HLCS: variants seen among roughly 807,000 people sequenced by gnomAD.
HLCS encodes the protein biotin--protein ligase.
HLCS carries 53 observed loss-of-function variants against 75.0 expected under a neutral mutation model. The observed-to-expected ratio is 0.71, with a 90% CI of 0.57 to 0.89. The LOEUF (loss-of-function observed/expected upper bound fraction) is 0.89. HLCS is among the 40% of genes least tolerant of loss of function. The pLI, the probability that HLCS is intolerant of heterozygous loss-of-function variation, is 0.00. For synonymous variants in HLCS, 431 were observed against 428.6 expected, an observed-to-expected ratio of 1.01 and a Z score of -0.07; for missense variants, 966 against 1,074.0, an observed-to-expected ratio of 0.90 and a Z score of 1.41.
chr21:36,775,243 C>G (rs1316797391), intron 6 of HLCS, among the ~76,000 whole-genome samples: 1 of 152,218 alleles, frequency 6.6e-6, no homozygotes, highest in Non-Finnish European at 1.5e-5. Context: ...CACATTGCTG[C>G]TAAATAAATC....
chr21:36,845,296 T>G (rs2062759425), intron 6 of HLCS, among the ~76,000 whole-genome samples: 1 of 152,138 alleles, frequency 6.6e-6, no homozygotes, highest in Non-Finnish European at 1.5e-5. Flanking sequence ...TCCCGAATAC[T>G]GGGCTTCCTT....
At chr21:36,810,539 C>G (rs1328852355) in intron 6 of HLCS, among the ~76,000 whole-genome samples, 1 of 152,170 alleles carries the variant, frequency 6.6e-6, no homozygotes, top group Non-Finnish European at 1.5e-5. Flanking sequence ...CGAGGTTCTC[C>G]CACCATAAAC....
At position 36,754,282 on chromosome 21, in the gene HLCS, G is replaced by A; in HGVS notation, c.2586C>T (p.Asp862=). The A allele has an allele frequency of 6.2e-7, 1 of 1,614,132 alleles. No individual in the cohort carries two copies. The highest frequency in any genetic ancestry group is 8.5e-7 in the Non-Finnish European group (1 of 1,180,028). ...VTVHPDGNSF[D]MLRNLILPKR... ...TGGGGAGGATGAGGTTTCTCAGCAT[G>A]TCGAAGGAGTTGCCGTCCGGGTGCA... The change falls in exon 11 of 11, where the codon GAC becomes GAT. Residue 862 remains aspartate, a synonymous_variant. Coordinates refer to ENST00000674895, the MANE Select transcript of HLCS (RefSeq NM_001352514.2).
chr21:36,885,702 G>A (rs1327646141), intron 6 of HLCS, among the ~76,000 whole-genome samples: 5 of 151,988 alleles, frequency 3.3e-5, no homozygotes, highest in African/African-American at 1.2e-4. Flanking sequence ...ATATTATCTC[G>A]GCGCATCCTC....
intron 5 of HLCS, among the ~76,000 whole-genome samples, chr21:36,929,300 C>T (rs916462030): frequency 6.6e-6 from 1 of 152,206 alleles, no homozygotes; most frequent in Non-Finnish European, 1.5e-5. Context: ...GCTAAGGTAG[C>T]CAGCCCCAGC....
At position 36,953,113 on chromosome 21, in the gene HLCS, T is replaced by C. The variant is rs562846655; in HGVS notation, c.330+8923A>G. Among the ~76,000 whole-genome samples the C allele has an allele frequency of 9.2e-5, 14 of 152,320 alleles. No individual in the cohort carries two copies. The South Asian group carries it at 2.9e-3, about 32-fold the overall frequency. ...TTCTGAATCACAACAGTATTTTTTT[T>C]AATTTACTAATTTTTTAGAGATGAG... On this transcript the variant is annotated intron_variant, in intron 2 of 10. Coordinates refer to ENST00000674895, the MANE Select transcript of HLCS (RefSeq NM_001352514.2).
At chr21:36,892,573 G>A (rs2064838052) in intron 6 of HLCS, among the ~76,000 whole-genome samples, 1 of 152,216 alleles carries the variant, frequency 6.6e-6, no homozygotes, top group Non-Finnish European at 1.5e-5. Flanking sequence ...GGAAATGAAT[G>A]TCATACCAGG....
intron 5 of HLCS, among the ~76,000 whole-genome samples, chr21:36,900,825 G>A (rs2065207779): frequency 1.3e-5 from 2 of 152,066 alleles, no homozygotes; most frequent in South Asian, 4.1e-4. Context: ...AGAAAACAGG[G>A]GCTCAAAAAA....
chr21:36,898,446 CAAAAAAA>C (rs58625493), intron 5 of HLCS, among the ~76,000 whole-genome samples: 4 of 49,544 alleles, frequency 8.1e-5, no homozygotes, highest in South Asian at 8.2e-4. Context: ...AACTCCATCT[CAAAAAAA>C]AAAAAAAAAA....
intron 6 of HLCS, among the ~76,000 whole-genome samples, chr21:36,805,209 T>C (rs1484640182): frequency 1.3e-5 from 2 of 152,102 alleles, no homozygotes; most frequent in African/African-American, 4.8e-5. Flanking sequence ...AAATATGAAG[T>C]TGGCAAGGAC....
chr21:36,779,428 CTCCAA>C (rs1260036805), intron 6 of HLCS, among the ~76,000 whole-genome samples: 2 of 152,070 alleles, frequency 1.3e-5, no homozygotes, highest in Non-Finnish European at 2.9e-5. Context: ...TCATCATAAA[CTCCAA>C]TCCAATCCAA....
intron 6 of HLCS, among the ~76,000 whole-genome samples, chr21:36,850,983 C>T (rs752829432): frequency 2.0e-5 from 3 of 152,106 alleles, no homozygotes; most frequent in East Asian, 1.9e-4. Context: ...CTGTAGCCTA[C>T]GGCCACAGGT....
upstream of HLCS, among the ~76,000 whole-genome samples, chr21:36,968,105 G>A (rs950843891): frequency 6.6e-6 from 1 of 151,916 alleles, no homozygotes; most frequent in Non-Finnish European, 1.5e-5. Flanking sequence ...CTGCAGCTTC[G>A]AACTCTGAGC....
chr21:36,927,990 A>T (rs2066479885), intron 5 of HLCS, among the ~76,000 whole-genome samples: 1 of 152,100 alleles, frequency 6.6e-6, no homozygotes. Flanking sequence ...GATGACTGAG[A>T]TCTGTTAAGT....
chr21:36,893,776 C>G (rs1343563875), intron 6 of HLCS, among the ~76,000 whole-genome samples: 4 of 152,324 alleles, frequency 2.6e-5, no homozygotes, highest in African/African-American at 4.8e-5. Flanking sequence ...GCTGCGCCGC[C>G]CCGTTCCTAA....
chr21:36,870,891 C>A (rs1286692774), intron 6 of HLCS, among the ~76,000 whole-genome samples: 1 of 152,224 alleles, frequency 6.6e-6, no homozygotes, highest in African/African-American at 2.4e-5. Flanking sequence ...TTAGCACCTA[C>A]ACCCCAGCCC....
Position 36,751,626 on chromosome 21 carries a change from A to AAG in HLCS, c.*2619_*2620insCT, listed in dbSNP as rs1568950414. 2.6e-5 allele frequency: 4 copies of AAG among 152,270 alleles called. No homozygotes were observed. Among genetic ancestry groups the AAG allele is most frequent in the Non-Finnish European group, 5.9e-5 (4 of 68,118 alleles). 9.4% of individuals were successfully genotyped at this position (152,270 alleles called of 1,614,324 possible). ...CCTGCTGCAGTGAAACTCAACCACG[A>AAG]TTTTCCTTTGCACACAAATCCTTCC... On this transcript the variant is annotated 3_prime_UTR_variant, in exon 11 of 11. Coordinates refer to ENST00000674895, the MANE Select transcript of HLCS (RefSeq NM_001352514.2).
chr21:36,781,769 C>T (rs1201135629), intron 6 of HLCS, among the ~76,000 whole-genome samples: 3 of 152,126 alleles, frequency 2.0e-5, no homozygotes, highest in East Asian at 1.9e-4. Context: ...AGACAGTGGG[C>T]CTCCTTGCCA....
chr21:36,797,915 T>C (rs966207796), intron 6 of HLCS, among the ~76,000 whole-genome samples: 2 of 152,184 alleles, frequency 1.3e-5, no homozygotes, highest in African/African-American at 4.8e-5. Flanking sequence ...AGGCTTACGT[T>C]CTGGCAGGAG....
Sources: allele counts gnomAD v4.1 joint callset (sites outside exome capture counted in the v4.1 genomes callset), GRCh38; gene constraint gnomAD v4.1.1; transcripts MANE v1.5; gene names NCBI Gene and HGNC (gene_info 2026-07-23, HGNC 2026-07-21).